The following SKOR2 variants were observed in gnomAD, a reference collection of about 807,000 sequenced individuals.
The protein encoded by SKOR2 is SKI family transcriptional corepressor 2.
Under a neutral mutation model 69.1 loss-of-function variants are expected in SKOR2, and 47 were observed. That is an observed-to-expected ratio of 0.68 (90% CI 0.54 to 0.87). SKOR2 has a LOEUF of 0.87. Ranked by LOEUF, SKOR2 falls within the 40% of genes least tolerant of loss-of-function variation. SKOR2 has a pLI of 0.00. For missense variants in SKOR2, 1,404 were observed against 1,472.2 expected (o/e 0.95, Z 0.76); for synonymous variants, 717 against 672.6 (o/e 1.07, Z -1.02).
intron 4 of SKOR2, among the ~76,000 whole-genome samples, chr18:47,243,871 T>C (rs1043344083): frequency 1.4e-4 from 21 of 152,184 alleles, no homozygotes; most frequent in African/African-American, 4.6e-4. Context: ...CACTAACCAA[T>C]GATATGCTAC....
intron 6 of SKOR2, among the ~76,000 whole-genome samples, chr18:47,227,911 T>G (rs2064184390): frequency 6.6e-6 from 1 of 152,188 alleles, no homozygotes; most frequent in Non-Finnish European, 1.5e-5. Context: ...CCTAGATTCT[T>G]AATTCTCACA....
chr18:47,211,665 A>G (rs1272429965), intron 8 of SKOR2, among the ~76,000 whole-genome samples: 1 of 152,154 alleles, frequency 6.6e-6, no homozygotes, highest in East Asian at 1.9e-4. Flanking sequence ...AGTTGTTCAT[A>G]TTACCACCTG....
At chr18:47,251,222 A>G (rs1038039883) in intron 1 of SKOR2, among the ~76,000 whole-genome samples, 152 bp downstream of exon 1, 4 of 151,216 alleles carry the variant, frequency 2.6e-5, no homozygotes, top group Non-Finnish European at 4.4e-5. Flanking sequence ...AGACCCCCCC[A>G]CCCCCAACTT....
intron 3 of SKOR2, 41 bp downstream of exon 3, chr18:47,245,457 A>C (rs781661810): frequency 2.1e-6 from 3 of 1,446,028 alleles, no homozygotes; most frequent in Non-Finnish European, 2.7e-6. Context: ...GGTTAAATGC[A>C]GGCAAGAAAA....
chr18:47,213,487 T>C (rs1411633906), intron 7 of SKOR2, among the ~76,000 whole-genome samples: 2 of 150,966 alleles, frequency 1.3e-5, no homozygotes, highest in Non-Finnish European at 2.9e-5. Context: ...CATGTGAACC[T>C]TTATTATTAA....
chr18:47,215,823 A>T (rs907824008), intron 7 of SKOR2, among the ~76,000 whole-genome samples: 1 of 152,192 alleles, frequency 6.6e-6, no homozygotes. Flanking sequence ...ATCTGGGTCT[A>T]GCCATTTATC....
chr18:47,237,846 C>CTAA (rs2064231411), intron 4 of SKOR2, among the ~76,000 whole-genome samples: 1 of 151,888 alleles, frequency 6.6e-6, no homozygotes, highest in East Asian at 1.9e-4. Flanking sequence ...CTATGCCAGG[C>CTAA]TAATTTTTAA....
At chr18:47,215,557 G>A (rs1189872583) in intron 7 of SKOR2, among the ~76,000 whole-genome samples, 1 of 152,038 alleles carries the variant, frequency 6.6e-6, no homozygotes, top group Admixed American at 6.6e-5. Flanking sequence ...TCCCTGTGAC[G>A]ATGCACTGCA....
At chr18:47,224,904 G>A (rs1431716736) in intron 6 of SKOR2, among the ~76,000 whole-genome samples, 1 of 152,110 alleles carries the variant, frequency 6.6e-6, no homozygotes, top group Non-Finnish European at 1.5e-5. Context: ...ACAGACCTGA[G>A]CCACTGTGCC....
intron 4 of SKOR2, 84 bp from the exon 5 acceptor site, chr18:47,231,084 CA>C: frequency 6.5e-7 from 1 of 1,535,306 alleles, no homozygotes; most frequent in Non-Finnish European, 8.7e-7. Context: ...TTAATATCTG[CA>C]AAACAGTTTA....
chr18:47,242,040 C>T (rs762587172), intron 4 of SKOR2, among the ~76,000 whole-genome samples: 7 of 152,166 alleles, frequency 4.6e-5, no homozygotes, highest in Non-Finnish European at 8.8e-5. Context: ...CTTTTACTTA[C>T]TTCCTTTTAG....
chr18:47,234,256 T>TAA (rs11285386), intron 4 of SKOR2, among the ~76,000 whole-genome samples: 1 of 150,872 alleles, frequency 6.6e-6, no homozygotes, highest in Non-Finnish European at 1.5e-5. Context: ...TCCATCTGGT[T>TAA]AAAAAAAAAG....
chr18:47,233,602 C>T (rs2064208416), intron 4 of SKOR2, among the ~76,000 whole-genome samples: 1 of 152,178 alleles, frequency 6.6e-6, no homozygotes, highest in Admixed American at 6.5e-5. Context: ...ATGACACTAT[C>T]ATTCTACAAC....
intron 6 of SKOR2, among the ~76,000 whole-genome samples, chr18:47,225,288 C>T (rs1008187222): frequency 6.6e-6 from 1 of 152,194 alleles, no homozygotes; most frequent in Admixed American, 6.5e-5. Context: ...TAATAACCAA[C>T]TGGCCTTTCC....
chr18:47,247,115 C>T lies in SKOR2; in HGVS notation c.2069G>A (p.Arg690His). Residue 690 changes from arginine to histidine, a missense_variant, in exon 2 of 9, where the codon CGC becomes CAC. Physicochemically the swap from Arg to His is conservative, Grantham distance 29. Transcript: ENST00000425639. This position sits in a 1 kb window ranked among gnomAD's most constrained non-coding sequence, Gnocchi z 6.6. ...PPQPDEPGSE[R>H]HHPAPPPPPP... Reference sequence around the variant, plus strand: ...CGGCGGCGGCGGGGCCGGGTGGTGGCGCTCGGAACCCGGCTCGTCGGGCTG... The same window carrying T: ...CGGCGGCGGCGGGGCCGGGTGGTGGTGCTCGGAACCCGGCTCGTCGGGCTG... 7.8e-7 allele frequency: 1 copy of T among 1,289,708 alleles called. No homozygotes were observed. The highest frequency in any genetic ancestry group is 9.7e-7 in the Non-Finnish European group (1 of 1,027,814). 79.9% of individuals were successfully genotyped at this position (1,289,708 alleles called of 1,614,324 possible).
chr18:47,218,878 T>C (rs1048594010), intron 7 of SKOR2, among the ~76,000 whole-genome samples: 2 of 152,216 alleles, frequency 1.3e-5, no homozygotes. Context: ...GCATCTTATG[T>C]AGTGGTTTTC....
At chr18:47,227,747 C>A (rs1261730954) in intron 6 of SKOR2, among the ~76,000 whole-genome samples, 2 of 152,168 alleles carry the variant, frequency 1.3e-5, no homozygotes, top group African/African-American at 4.8e-5. Context: ...ATCCTGTGCC[C>A]AGCATGTGCA....
chr18:47,231,135 G>A, intron 4 of SKOR2, 135 bp from the exon 5 acceptor site: 1 of 1,536,044 alleles, frequency 6.5e-7, no homozygotes, highest in Non-Finnish European at 8.7e-7. Context: ...ATAACCAAAT[G>A]TTGTCCTCAT....
At chr18:47,240,046 T>C (rs758979685) in intron 4 of SKOR2, among the ~76,000 whole-genome samples, 1 of 152,244 alleles carries the variant, frequency 6.6e-6, no homozygotes, top group Non-Finnish European at 1.5e-5. Flanking sequence ...TCATCTGCTA[T>C]ATATTCATGA....
Sources: allele counts gnomAD v4.1 joint callset (sites outside exome capture counted in the v4.1 genomes callset), GRCh38; gene constraint gnomAD v4.1.1; non-coding constraint Gnocchi (gnomAD v3.1); transcripts MANE v1.5; gene names NCBI Gene and HGNC (gene_info 2026-07-23, HGNC 2026-07-21).